The following AP1M1 variants were observed in gnomAD, a reference collection of about 807,000 sequenced individuals.
The protein encoded by AP1M1 is adaptor related protein complex 1 subunit mu 1.
Under a neutral mutation model 57.1 loss-of-function variants are expected in AP1M1, and 18 were observed. The ratio of observed to expected loss-of-function variants is 0.32; its 90% CI spans 0.22 to 0.47. AP1M1 has a LOEUF of 0.47. Ranked by LOEUF, AP1M1 falls within the 20% of genes least tolerant of loss-of-function variation. The pLI is 1.00. For synonymous variants in AP1M1, 241 were observed against 237.9 expected (o/e 1.01, Z -0.12); for missense variants, 362 against 593.5 (o/e 0.61, Z 4.05).
chr19:16,228,324 C>T lies in AP1M1; in HGVS notation c.888+116C>T, dbSNP rs941861707. ...GCCATCCGTGCACCCTCACTGTGGC[C>T]TCAGATGCAGGAGTGACCTGACACT... On this transcript the variant is annotated intron_variant, in intron 8 of 11. Coordinates refer to ENST00000291439, the MANE Select transcript of AP1M1 (RefSeq NM_032493.4). This position sits in a 1 kb window ranked among gnomAD's most constrained non-coding sequence, Gnocchi z 5.0. 1.8e-5 allele frequency: 19 copies of T among 1,079,990 alleles called. No individual in the cohort carries two copies. Among genetic ancestry groups the T allele is most frequent in the East Asian group, 5.1e-5 (2 of 38,940 alleles). 66.9% of individuals were successfully genotyped at this position (1,079,990 alleles called of 1,614,324 possible).
chr19:16,208,672 C>T (rs2091480353), intron 4 of AP1M1, among the ~76,000 whole-genome samples: 1 of 152,188 alleles, frequency 6.6e-6, no homozygotes, highest in South Asian at 2.1e-4. Flanking sequence ...GATGGGGTCA[C>T]CAGGTTACAC....
chr19:16,203,406 C>A lies in AP1M1; in HGVS notation c.43-53C>A, dbSNP rs2091456881. ...CATCTCACCCCCTGCCCCAAGCCCC[C>A]AGATTGTAGAACTGAAAATGCAAGC... On this transcript the variant is annotated intron_variant, in intron 1 of 11. Transcript: ENST00000291439. This position sits in a 1 kb window ranked among gnomAD's most constrained non-coding sequence, Gnocchi z 4.6. The A allele has an allele frequency of 1.0e-5, 16 of 1,606,940 alleles. No homozygotes were observed. Among genetic ancestry groups the A allele is most frequent in the Non-Finnish European group, 1.4e-5 (16 of 1,174,056 alleles).
chr19:16,207,929 CA>C lies in AP1M1; in HGVS notation c.268-87del. 6.8e-7 allele frequency: 1 copy of C among 1,477,716 alleles called. No homozygotes were observed. Among genetic ancestry groups the C allele is most frequent in the South Asian group, 1.3e-5 (1 of 77,824 alleles). 91.5% of individuals were successfully genotyped at this position (1,477,716 alleles called of 1,614,324 possible). ...TAGGCTGTTGGTAGGACTTAGCGGG[CA>C]AATGAATGTGTGCAAGCGTTCATTC... On this transcript the variant is annotated intron_variant, in intron 3 of 11. Coordinates refer to ENST00000291439, the MANE Select transcript of AP1M1 (RefSeq NM_032493.4). The surrounding 1 kb of genome is among the most constrained non-coding windows in gnomAD (Gnocchi z 4.2).
intron 5 of AP1M1, among the ~76,000 whole-genome samples, chr19:16,222,331 C>T (rs1018817572): frequency 6.6e-5 from 10 of 151,828 alleles, no homozygotes; most frequent in Admixed American, 3.3e-4. Context: ...CTTCAGCCTC[C>T]TGAGTAGCTG....
At chr19:16,210,251 C>T in intron 5 of AP1M1, 1 of 638,950 alleles carries the variant, frequency 1.6e-6, no homozygotes, top group South Asian at 1.8e-5. Context: ...TGTTCTGAAC[C>T]ACAGAAGGAC....
intron 10 of AP1M1, chr19:16,233,974 G>GT: frequency 1.8e-6 from 1 of 569,942 alleles, no homozygotes; most frequent in Non-Finnish European, 3.0e-6. Context: ...TGCTGAGGCC[G>GT]TGTCTGCAAG....
intron 11 of AP1M1, 65 bp from the exon 12 acceptor site, chr19:16,234,348 C>A: frequency 6.2e-7 from 1 of 1,613,180 alleles, no homozygotes; most frequent in Non-Finnish European, 8.5e-7. Flanking sequence ...GTGGAGCCAT[C>A]GGGTCGGGTC....
chr19:16,233,446 G>A, intron 9 of AP1M1, 47 bp from the exon 10 acceptor site: 2 of 1,523,208 alleles, frequency 1.3e-6, no homozygotes, highest in Non-Finnish European at 1.8e-6. Flanking sequence ...TGTTGGCTAA[G>A]CTGGGGCAGG....
chr19:16,224,319 G>A (rs1047911950), intron 5 of AP1M1, among the ~76,000 whole-genome samples: 10 of 152,200 alleles, frequency 6.6e-5, no homozygotes, highest in Admixed American at 2.6e-4. Context: ...GCAGGAAAGC[G>A]CTAGGGCTGC....
At chr19:16,209,995 A>G (rs1268392581) in intron 5 of AP1M1, among the ~76,000 whole-genome samples, 2 of 151,848 alleles carry the variant, frequency 1.3e-5, no homozygotes, top group African/African-American at 4.8e-5. Flanking sequence ...CCTCTTCCCC[A>G]TTTCCTGGCC....
Position 16,228,753 on chromosome 19 carries a change from A to G in AP1M1, c.889-17A>G, listed in dbSNP as rs770753670. On this transcript the variant is annotated splice_polypyrimidine_tract_variant and intron_variant, in intron 8 of 11. Transcript: ENST00000291439. The surrounding 1 kb of genome is among the most constrained non-coding windows in gnomAD (Gnocchi z 5.0). ...CTTGGCCTCCATAACCCCGGGCCGCATTGGCCTGGCCTGCAGGCCAAAAGC... is the reference window on the plus strand; with the variant it reads ...CTTGGCCTCCATAACCCCGGGCCGCGTTGGCCTGGCCTGCAGGCCAAAAGC... 1.9e-6 allele frequency: 3 copies of G among 1,613,248 alleles called. No homozygotes were observed. Among genetic ancestry groups the G allele is most frequent in the Non-Finnish European group, 2.5e-6 (3 of 1,179,704 alleles).
chr19:16,217,327 T>C (rs1311517013), intron 5 of AP1M1, among the ~76,000 whole-genome samples: 1 of 151,764 alleles, frequency 6.6e-6, no homozygotes, highest in Non-Finnish European at 1.5e-5. Flanking sequence ...GGTGCACTTA[T>C]GCTGGCAACA....
In AP1M1 at chr19:16,227,753, G is replaced by T; in HGVS notation, c.816+63G>T. 2 of 1,579,014 alleles carry T rather than the reference G, an allele frequency of 1.3e-6. No homozygotes were observed. Among genetic ancestry groups the T allele is most frequent in the Non-Finnish European group, 1.7e-6 (2 of 1,157,948 alleles). On this transcript the variant is annotated intron_variant, in intron 7 of 11. Transcript: ENST00000291439. The surrounding 1 kb of genome is among the most constrained non-coding windows in gnomAD (Gnocchi z 6.2). ...TCCTCCTCCCCTTCACCTCCAGGAG[G>T]TGAAGCCCAGGCAGGCGCCAGGGCC...
chr19:16,207,253 G>A lies in AP1M1; in HGVS notation c.268-766G>A, dbSNP rs1393650842. 6.6e-6 allele frequency among the ~76,000 whole-genome samples: 1 copy of A among 152,148 alleles called. No homozygotes were observed. Among genetic ancestry groups the A allele is most frequent in the Non-Finnish European group, 1.5e-5 (1 of 68,012 alleles). The stretch of plus-strand genomic sequence containing the variant: ...TGATGCTGCCTGTGCAGAATGTTGG[G>A]GAACAGGGGCAAGCCTGGGCGGTGA... On this transcript the variant is annotated intron_variant, in intron 3 of 11. Transcript: ENST00000291439. This position sits in a 1 kb window ranked among gnomAD's most constrained non-coding sequence, Gnocchi z 4.2.
intron 9 of AP1M1, among the ~76,000 whole-genome samples, chr19:16,229,187 T>C (rs1462751385): frequency 1.3e-5 from 2 of 152,160 alleles, no homozygotes; most frequent in East Asian, 3.9e-4. Context: ...CAGTGCCCTC[T>C]CCCTCCCTCT....
chr19:16,203,241 A>G lies in AP1M1; in HGVS notation c.43-218A>G. 1.7e-6 allele frequency: 1 copy of G among 584,860 alleles called. No individual in the cohort carries two copies. Among genetic ancestry groups the G allele is most frequent in the South Asian group, 2.0e-5 (1 of 50,756 alleles). The allele number at this position is 584,860 out of a possible 1,614,324, so 36.2% of individuals were successfully genotyped here. Reference sequence around the variant, plus strand: ...CTACCCTCACCCTGCGAAGAACTGCAGTGGCCCCTGTGGGCATTCACACTG... The same window carrying G: ...CTACCCTCACCCTGCGAAGAACTGCGGTGGCCCCTGTGGGCATTCACACTG... On this transcript the variant is annotated intron_variant, in intron 1 of 11. Transcript: ENST00000291439. This position sits in a 1 kb window ranked among gnomAD's most constrained non-coding sequence, Gnocchi z 4.6.
At chr19:16,231,499 C>T (rs1275428101) in intron 9 of AP1M1, among the ~76,000 whole-genome samples, 2 of 151,758 alleles carry the variant, frequency 1.3e-5, no homozygotes, top group African/African-American at 4.8e-5. Flanking sequence ...GGCATGATCT[C>T]GGCTTGCTGC....
chr19:16,238,722 CT>C lies in AP1M1; in HGVS notation c.*4304del, dbSNP rs34039189. ...GCTTGTTCTGTATTCTTTCTTTATGCTTTTTTTTTTTTTTTTTGACAGGGTG... is the reference window on the plus strand; with the variant it reads ...GCTTGTTCTGTATTCTTTCTTTATGCTTTTTTTTTTTTTTTTGACAGGGTG... On this transcript the variant is annotated 3_prime_UTR_variant, in exon 12 of 12. Coordinates refer to ENST00000291439, the MANE Select transcript of AP1M1 (RefSeq NM_032493.4). 0.48 allele frequency: 55,500 copies of C among 114,890 alleles called. 12,381 individuals carry two copies. Among genetic ancestry groups the C allele is most frequent in the Non-Finnish European group, 0.6 (32,722 of 54,094 alleles). 7.1% of individuals were successfully genotyped at this position (114,890 alleles called of 1,614,324 possible).
In AP1M1 at chr19:16,242,750, T is replaced by C. The variant is rs2091649835; in HGVS notation, c.*8315T>C. The C allele has an allele frequency of 6.6e-6, 1 of 152,216 alleles. No individual in the cohort carries two copies. The highest frequency in any genetic ancestry group is 2.1e-4 in the South Asian group (1 of 4,838). 9.4% of individuals were successfully genotyped at this position (152,216 alleles called of 1,614,324 possible). ...AGACAGAATAGATGTATTTATTTAT[T>C]TATTCATTCATTTAATTTTTTGAGA... On this transcript the variant is annotated 3_prime_UTR_variant, in exon 12 of 12. Coordinates refer to ENST00000291439, the MANE Select transcript of AP1M1 (RefSeq NM_032493.4).
Sources: gnomAD v4.1 joint callset for allele counts (sites outside exome capture counted in the v4.1 genomes callset) on GRCh38, gnomAD v4.1.1 for gene constraint, Gnocchi (gnomAD v3.1) non-coding constraint, MANE v1.5 for transcripts, NCBI Gene and HGNC (gene_info 2026-07-23, HGNC 2026-07-21) for gene names.